CDH12: variants seen among roughly 807,000 people sequenced by gnomAD.
The protein encoded by CDH12 is cadherin 12, also known as cadherin-12.
Under a neutral mutation model 74.1 loss-of-function variants are expected in CDH12, and 41 were observed. That is an observed-to-expected ratio of 0.55 (90% CI 0.43 to 0.72). The LOEUF (loss-of-function observed/expected upper bound fraction) is 0.72. Ranked by LOEUF, CDH12 falls within the 30% of genes least tolerant of loss-of-function variation. CDH12 has a pLI of 0.00. For synonymous variants in CDH12, 399 were observed against 355.0 expected (o/e 1.12, Z -1.39); for missense variants, 945 against 977.2 (o/e 0.97, Z 0.44).
chr5:22,035,192 G>A (rs143777667), intron 5 of CDH12, among the ~76,000 whole-genome samples: 1,778 of 152,224 alleles, frequency 0.012, 30 homozygotes, highest in African/African-American at 0.04. Context: ...CACCATGAGT[G>A]TCTGGGTCTT....
chr5:21,945,645 T>C (rs1755545045), intron 6 of CDH12, among the ~76,000 whole-genome samples: 1 of 151,404 alleles, frequency 6.6e-6, no homozygotes, highest in African/African-American at 2.4e-5. Flanking sequence ...AAATAATAGA[T>C]TCAGAGGATG....
chr5:22,528,572 G>A (rs1314458566), intron 1 of CDH12, among the ~76,000 whole-genome samples: 3 of 152,142 alleles, frequency 2.0e-5, no homozygotes, highest in Non-Finnish European at 4.4e-5. Context: ...TCCTTCAGGG[G>A]ACACGTAGAA....
rs1458660138 is a variant in CDH12, at chr5:22,485,851, A to G, written c.-428+19419T>C. Among the ~76,000 whole-genome samples, 3 of 152,240 alleles carry G rather than the reference A, an allele frequency of 2.0e-5. No homozygotes were observed. The East Asian group carries it at 5.8e-4, about 29-fold the overall frequency. On this transcript the variant is annotated intron_variant, in intron 2 of 14. Transcript: ENST00000382254. ...ACCTTTCCATTTTCTTGATTTACTC[A>G]TACATTTCTAATGTTTTTATTAAGA... is the stretch of plus-strand genomic sequence containing the variant.
At chr5:22,621,626 G>T (rs1423668547) in intron 1 of CDH12, among the ~76,000 whole-genome samples, 3 of 151,884 alleles carry the variant, frequency 2.0e-5, no homozygotes, top group Non-Finnish European at 4.4e-5. Context: ...TAATTCTCTG[G>T]CAATATTAAT....
At chr5:22,383,846 T>C (rs1741878114) in intron 3 of CDH12, among the ~76,000 whole-genome samples, 1 of 152,154 alleles carries the variant, frequency 6.6e-6, no homozygotes. Flanking sequence ...CTCTCCCCCA[T>C]TTCTCCCTCC....
chr5:22,152,597 G>A (rs2150310893), intron 4 of CDH12, among the ~76,000 whole-genome samples: 1 of 152,254 alleles, frequency 6.6e-6, no homozygotes. Context: ...AATTAACATA[G>A]GTATTGGCTC....
intron 3 of CDH12, among the ~76,000 whole-genome samples, chr5:22,327,489 T>C (rs955484197): frequency 1.3e-4 from 20 of 150,636 alleles, no homozygotes; most frequent in African/African-American, 4.9e-4. Context: ...TGCACTAAAC[T>C]GAAAGTGTTT....
intron 2 of CDH12, among the ~76,000 whole-genome samples, chr5:22,406,823 C>T (rs1013486317): frequency 1.3e-5 from 2 of 151,910 alleles, no homozygotes; most frequent in Admixed American, 6.6e-5. Flanking sequence ...ATATGGGGAA[C>T]AATATGCATC....
intron 3 of CDH12, among the ~76,000 whole-genome samples, chr5:22,308,564 A>G (rs980789195): frequency 1.3e-5 from 2 of 152,214 alleles, no homozygotes; most frequent in Admixed American, 6.5e-5. Context: ...GTACAACCCA[A>G]TAAGTACACT....
intron 6 of CDH12, among the ~76,000 whole-genome samples, chr5:21,905,765 T>C (rs1317871805): frequency 6.6e-6 from 1 of 152,220 alleles, no homozygotes; most frequent in Non-Finnish European, 1.5e-5. Flanking sequence ...AAGTATCTAT[T>C]GTTGCTCTTT....
intron 6 of CDH12, among the ~76,000 whole-genome samples, chr5:21,932,205 C>G (rs1754872249): frequency 1.3e-5 from 2 of 152,056 alleles, no homozygotes; most frequent in Non-Finnish European, 2.9e-5. Flanking sequence ...TAATATGCAC[C>G]AGTAAAACTA....
At chr5:22,244,699 AAAAG>A (rs199516447) in intron 3 of CDH12, among the ~76,000 whole-genome samples, 1,750 of 148,860 alleles carry the variant, frequency 0.012, 18 homozygotes, top group Middle Eastern at 0.028. Context: ...AAAGAAAAGA[AAAAG>A]AAAGAGAAAG....
Position 21,842,284 on chromosome 5 carries a change from C to G in CDH12, c.691G>C (p.Glu231Gln). ...GCTTGGATGAGTACTTGATATTGTTCTTTGACTTCTCTGTCCATGTTTGGC... is the reference window on the plus strand; with the variant it reads ...GCTTGGATGAGTACTTGATATTGTTGTTTGACTTCTCTGTCCATGTTTGGC... ...ALPNMDREVK[E>Q]QYQVLIQAKD... The change falls in exon 8 of 15, where the codon GAA becomes CAA. Residue 231 changes from glutamate (E) to glutamine (Q), a missense_variant. Glu to Gln is a conservative substitution (Grantham distance 29). Around this residue, in one of 3 missense-constraint regions of CDH12, gnomAD observed 791 missense variants for 792.8 expected, o/e 1.00. Transcript: ENST00000382254. 1 of 1,612,792 alleles carries G rather than the reference C, an allele frequency of 6.2e-7. No individual in the cohort carries two copies. Among genetic ancestry groups the G allele is most frequent in the Non-Finnish European group, 8.5e-7 (1 of 1,179,288 alleles).
At position 21,998,157 on chromosome 5, in the gene CDH12, T is replaced by C. The variant is rs543027297; in HGVS notation, c.232-22772A>G. ...TTGTCGTTATTCTCTTATGTAACTG[T>C]TAATTTTTCCCTTCCTTGGCTCTAT... On this transcript the variant is annotated intron_variant, in intron 5 of 14. Coordinates refer to ENST00000382254, the MANE Select transcript of CDH12 (RefSeq NM_004061.5). Among the ~76,000 whole-genome samples, 532 of 152,170 alleles carry C rather than the reference T, an allele frequency of 3.5e-3. 4 individuals carry two copies. Among genetic ancestry groups the C allele is most frequent in the African/African-American group, 0.012 (497 of 41,522 alleles).
chr5:22,038,322 C>A (rs771537922), intron 5 of CDH12, among the ~76,000 whole-genome samples: 138 of 152,230 alleles, frequency 9.1e-4, no homozygotes, highest in Admixed American at 1.6e-3. Context: ...CTGGAGCCAC[C>A]CCACTCCCAG....
intron 10 of CDH12, among the ~76,000 whole-genome samples, chr5:21,792,813 T>C (rs1030518526): frequency 1.3e-5 from 2 of 151,734 alleles, no homozygotes; most frequent in African/African-American, 4.8e-5. Context: ...TGCGGACACC[T>C]TGAAGCAGCT....
At position 22,508,394 on chromosome 5, in the gene CDH12, C is replaced by T. The variant is rs1192240409; in HGVS notation, c.-522-3030G>A. Among the ~76,000 whole-genome samples, 3 of 152,182 alleles carry T rather than the reference C, an allele frequency of 2.0e-5. 1 individual carries two copies. In the East Asian group the frequency reaches 5.8e-4, roughly 29 times the overall value. ...AAGGAAGAAAATCAAAATATTTTACCCCAAAACATGTTTCTTTGCCATATG... is the reference window on the plus strand; with the variant it reads ...AAGGAAGAAAATCAAAATATTTTACTCCAAAACATGTTTCTTTGCCATATG... On this transcript the variant is annotated intron_variant, in intron 1 of 14. Transcript: ENST00000382254.
intron 5 of CDH12, among the ~76,000 whole-genome samples, chr5:22,033,482 T>C (rs1282432292): frequency 6.6e-6 from 1 of 152,194 alleles, no homozygotes; most frequent in Admixed American, 6.5e-5. Flanking sequence ...GAGCCAATTA[T>C]ACAAAATCTC....
intron 4 of CDH12, among the ~76,000 whole-genome samples, chr5:22,107,493 C>CACATATAATAATTATATGTGTATATAT (rs1744538988): frequency 1.0e-5 from 1 of 96,922 alleles, no homozygotes; most frequent in African/African-American, 4.2e-5. Flanking sequence ...TGTATATATA[C>CACATATAATAATTATATGTGTATATAT]ACATATAATA....
Sources: allele counts gnomAD v4.1 joint callset (sites outside exome capture counted in the v4.1 genomes callset), GRCh38; gene constraint gnomAD v4.1.1; regional missense constraint gnomAD v4.1.1; transcripts MANE v1.5; gene names NCBI Gene and HGNC (gene_info 2026-07-23, HGNC 2026-07-21).